The following CHM variants were observed in gnomAD, a reference collection of about 807,000 sequenced individuals.
CHM encodes the protein CHM Rab escort protein, also known as rab proteins geranylgeranyltransferase component A 1.
In CHM, 10 loss-of-function variants were observed where a neutral mutation model predicts 49.0. The observed-to-expected ratio is 0.20, with a 90% CI of 0.13 to 0.35. CHM has a LOEUF of 0.35. Ranked by LOEUF, CHM falls within the 10% of genes least tolerant of loss-of-function variation. The pLI, the probability that CHM is intolerant of heterozygous loss-of-function variation, is 1.00. For missense variants in CHM, 455 were observed against 478.4 expected (o/e 0.95, Z 0.46); for synonymous variants, 184 against 167.5 (o/e 1.10, Z -0.76).
At chrX:85,897,308 T>TGTGTGTGTGTGTGTGC (rs1556251677) in intron 11 of CHM, among the ~76,000 whole-genome samples, 11 of 72,341 alleles carry the variant, frequency 1.5e-4, no homozygotes, top group African/African-American at 7.7e-4. Flanking sequence ...TGTGTGTGCG[T>TGTGTGTGTGTGTGTGC]GTGTGTGTGT....
At chrX:85,981,676 A>G in intron 3 of CHM, 61 bp downstream of exon 3, 2 of 809,822 alleles carry the variant, frequency 2.5e-6, no homozygotes, top group East Asian at 3.4e-5. Flanking sequence ...TCTTCAGTGC[A>G]GGGTTACTAT....
At position 85,957,994 on chromosome X, in the gene CHM, T is replaced by C. The variant is rs771619371; in HGVS notation, c.820-19A>G. On this transcript the variant is annotated intron_variant, in intron 6 of 14. Coordinates refer to ENST00000357749, the MANE Select transcript of CHM (RefSeq NM_000390.4). ...ACGGAACCTGAAAAATATTATGATT[T>C]TAAGTTAAGAAACTGCTTCCTAATG... is the stretch of plus-strand genomic sequence containing the variant. The C allele has an allele frequency of 1.3e-5, 16 of 1,205,366 alleles. No individual in the cohort carries two copies. The Admixed American group carries it at 3.5e-4, about 26-fold the overall frequency.
At chrX:85,940,000 T>C (rs1175294682) in intron 8 of CHM, among the ~76,000 whole-genome samples, 2 of 111,966 alleles carry the variant, frequency 1.8e-5, no homozygotes, top group East Asian at 2.8e-4. Context: ...GGGTAATTTA[T>C]GAAGGAGTTT....
At position 85,922,832 on chromosome X, in the gene CHM, A is replaced by G. The variant is rs1482963893; in HGVS notation, c.1167-11494T>C. On this transcript the variant is annotated intron_variant, in intron 8 of 14. Transcript: ENST00000357749. The stretch of plus-strand genomic sequence containing the variant: ...TACAAGCTCTTGAAACTCATTATCT[A>G]TAAGGTTTTACTCTATTCAGCAAGG... 7.2e-5 allele frequency among the ~76,000 whole-genome samples: 8 copies of G among 111,796 alleles called. No homozygotes were observed. The East Asian group carries it at 1.4e-3, about 20-fold the overall frequency.
chrX:86,025,130 T>C (rs140628499), intron 2 of CHM, among the ~76,000 whole-genome samples: 51 of 111,342 alleles, frequency 4.6e-4, no homozygotes, highest in African/African-American at 1.5e-3. Context: ...AATACCTAGA[T>C]GTATCTAAAC....
At chrX:85,924,984 C>A (rs1300745539) in intron 8 of CHM, among the ~76,000 whole-genome samples, 3 of 111,913 alleles carry the variant, frequency 2.7e-5, no homozygotes, top group Non-Finnish European at 5.6e-5. Flanking sequence ...CATTCAATAT[C>A]TTTCAGTTTT....
At chrX:85,988,688 C>T (rs996308932) in intron 2 of CHM, among the ~76,000 whole-genome samples, 1 of 111,467 alleles carries the variant, frequency 9.0e-6, no homozygotes, top group Non-Finnish European at 1.9e-5. Context: ...AAATCCCTAC[C>T]ATTCCCATGC....
At chrX:85,903,939 G>C (rs1314268885) in intron 9 of CHM, among the ~76,000 whole-genome samples, 1 of 111,089 alleles carries the variant, frequency 9.0e-6, no homozygotes, top group African/African-American at 3.3e-5. Context: ...AAGCAAAACT[G>C]CTCAAATCAA....
At chrX:85,966,991 C>G (rs1380679362) in intron 4 of CHM, among the ~76,000 whole-genome samples, 1 of 111,816 alleles carries the variant, frequency 8.9e-6, no homozygotes, top group Non-Finnish European at 1.9e-5. Flanking sequence ...TTTTCTACAT[C>G]AATAAACTAT....
chrX:85,965,020 C>T (rs1162671600), intron 4 of CHM, among the ~76,000 whole-genome samples: 1 of 100,055 alleles, frequency 1.0e-5, no homozygotes, highest in East Asian at 4.7e-4. Context: ...TCAAATACCC[C>T]ACAAAAAAAT....
intron 13 of CHM, among the ~76,000 whole-genome samples, chrX:85,874,650 GA>G (rs1389486647): frequency 9.0e-6 from 1 of 111,339 alleles, no homozygotes; most frequent in Non-Finnish European, 1.9e-5. Flanking sequence ...AGTGGAATAG[GA>G]TGAAGAAACT....
intron 3 of CHM, among the ~76,000 whole-genome samples, chrX:85,981,204 T>TTATATATATATATATATATATATATATA (rs1193461119): frequency 1.1e-3 from 54 of 50,719 alleles, no homozygotes; most frequent in African/African-American, 3.6e-3. Flanking sequence ...ACATTTCTAT[T>TTATATATATATATATATATATATATATA]TCTATATATA....
chrX:85,978,470 T>TA (rs1045630798), intron 4 of CHM, among the ~76,000 whole-genome samples: 25 of 111,374 alleles, frequency 2.2e-4, no homozygotes, highest in African/African-American at 8.2e-4. Flanking sequence ...GAGGATTCTG[T>TA]AAAAAAAATC....
intron 4 of CHM, chrX:85,969,281 T>A (rs955230272): frequency 3.4e-5 from 25 of 726,775 alleles, no homozygotes; most frequent in Non-Finnish European, 3.9e-5. Context: ...AGATAAAATC[T>A]CTTCTCACTA....
intron 4 of CHM, chrX:85,969,806 T>C (rs1186169951): frequency 1.8e-5 from 2 of 112,150 alleles, no homozygotes; most frequent in Non-Finnish European, 3.8e-5. Context: ...CTGTCATTTG[T>C]GACAACATGG....
chrX:85,931,592 G>A (rs1467158032), intron 8 of CHM, among the ~76,000 whole-genome samples: 1 of 111,212 alleles, frequency 9.0e-6, no homozygotes, highest in Non-Finnish European at 1.9e-5. Context: ...ATGATTTACG[G>A]ATCTACTATG....
chrX:85,878,846 G>A, intron 13 of CHM, 119 bp downstream of exon 13: 1 of 530,412 alleles, frequency 1.9e-6, no homozygotes, highest in Non-Finnish European at 3.2e-6. Flanking sequence ...CAAAACATGT[G>A]AATTGTTGTT....
intron 4 of CHM, among the ~76,000 whole-genome samples, chrX:85,974,352 T>G (rs1416044082): frequency 1.8e-5 from 2 of 111,773 alleles, no homozygotes; most frequent in Non-Finnish European, 3.8e-5. Context: ...GTAATTGTTA[T>G]CAAAATCTCA....
At chrX:85,939,286 T>C (rs1213860144) in intron 8 of CHM, among the ~76,000 whole-genome samples, 1 of 112,342 alleles carries the variant, frequency 8.9e-6, no homozygotes, top group Non-Finnish European at 1.9e-5. Flanking sequence ...GACTAAAAAA[T>C]GTAGAAGAAA....
Sources: gnomAD v4.1 joint callset for allele counts (sites outside exome capture counted in the v4.1 genomes callset) on GRCh38, gnomAD v4.1.1 for gene constraint, MANE v1.5 for transcripts, NCBI Gene and HGNC (gene_info 2026-07-23, HGNC 2026-07-21) for gene names.